Variants in KALRN observed in about 807,000 individuals in gnomAD.
The protein encoded by KALRN is kalirin RhoGEF kinase, also known as kalirin.
KALRN carries 70 observed loss-of-function variants against 353.7 expected under a neutral mutation model. The ratio of observed to expected loss-of-function variants is 0.20; its 90% CI spans 0.16 to 0.24. The LOEUF is 0.24. Ranked by LOEUF, KALRN falls within the 10% of genes least tolerant of loss-of-function variation. The pLI is 1.00. For synonymous variants in KALRN, 1,391 were observed against 1,434.8 expected, an observed-to-expected ratio of 0.97 and a Z score of 0.69; for missense variants, 2,791 against 3,756.7, an observed-to-expected ratio of 0.74 and a Z score of 6.72.
chr3:124,665,152 G>T (rs1398305219), intron 45 of KALRN, among the ~76,000 whole-genome samples: 3 of 152,212 alleles, frequency 2.0e-5, no homozygotes, highest in Non-Finnish European at 1.5e-5. Context: ...GAAGGGAATG[G>T]CCACATTTGT....
At chr3:124,323,847 A>G (rs1182438712) in intron 6 of KALRN, among the ~76,000 whole-genome samples, 1 of 152,236 alleles carries the variant, frequency 6.6e-6, no homozygotes, top group Non-Finnish European at 1.5e-5. Flanking sequence ...GACACTGTCA[A>G]TGTCCCACCT....
Position 124,676,911 on chromosome 3 carries a change from A to G in KALRN, c.7194-1279A>G, listed in dbSNP as rs1173827695. 2.0e-5 allele frequency among the ~76,000 whole-genome samples: 3 copies of G among 152,320 alleles called. No homozygotes were observed. The South Asian group carries it at 6.2e-4, about 32-fold the overall frequency. On this transcript the variant is annotated intron_variant, in intron 49 of 59. Coordinates refer to ENST00000682506, the MANE Select transcript of KALRN (RefSeq NM_001388419.1). ...GAGAGCCTGACTAGTTAGGAGATACAAGAGTTTTTGAAGGAGCCCACTTTC... is the reference window on the plus strand; with the variant it reads ...GAGAGCCTGACTAGTTAGGAGATACGAGAGTTTTTGAAGGAGCCCACTTTC...
chr3:124,139,701 C>T (rs920600869), intron 1 of KALRN, among the ~76,000 whole-genome samples: 5 of 152,146 alleles, frequency 3.3e-5, no homozygotes, highest in African/African-American at 9.7e-5. Flanking sequence ...GAGGGCACTA[C>T]ACTCAAGGAT....
intron 44 of KALRN, 75 bp from the exon 45 acceptor site, chr3:124,661,776 C>A: frequency 8.7e-7 from 1 of 1,144,568 alleles, no homozygotes; most frequent in Non-Finnish European, 1.3e-6. Flanking sequence ...TCCCTGTTTT[C>A]CAGCACTGAA....
chr3:124,334,456 G>A lies in KALRN; in HGVS notation c.1608G>A (p.Gln536=), dbSNP rs202215942. 9.9e-6 allele frequency: 16 copies of A among 1,613,994 alleles called. No individual in the cohort carries two copies. The African/African-American group carries it at 1.5e-4, about 15-fold the overall frequency. The change falls in exon 9 of 60, where the codon CAG becomes CAA. Residue 536 remains glutamine (Q), a synonymous_variant. Coordinates refer to ENST00000682506, the MANE Select transcript of KALRN (RefSeq NM_001388419.1). The surrounding 1 kb of genome is among the most constrained non-coding windows in gnomAD (Gnocchi z 4.2). ...AGCACCGCAAGGTGCGGCTCCACCA[G>A]CGGCTGCAGCTCTGCGTCTTCCAGC... ...IWQHRKVRLH[Q]RLQLCVFQQD...
intron 27 of KALRN, among the ~76,000 whole-genome samples, chr3:124,478,542 T>G (rs1387973231): frequency 1.3e-5 from 2 of 152,102 alleles, no homozygotes; most frequent in Non-Finnish European, 2.9e-5. Context: ...AATGGAGCAT[T>G]AATATGGAAA....
intron 2 of KALRN, among the ~76,000 whole-genome samples, chr3:124,231,382 T>G (rs1311933434): frequency 1.3e-5 from 2 of 152,240 alleles, no homozygotes; most frequent in Admixed American, 1.3e-4. Flanking sequence ...TGTCTTTATG[T>G]GCATACACGC....
In KALRN at chr3:124,654,224, C is replaced by T. The variant is rs374121730; in HGVS notation, c.5796-1377C>T. Among the ~76,000 whole-genome samples the T allele has an allele frequency of 1.4e-4, 22 of 152,316 alleles. No individual in the cohort carries two copies. In the South Asian group the frequency reaches 4.1e-3, roughly 29 times the overall value. ...TTCATTTGGCCTTGCCAGTTCCTTC[C>T]TGTGGCCTAAAACACATGATTGTCT... On this transcript the variant is annotated intron_variant, in intron 38 of 59. Coordinates refer to ENST00000682506, the MANE Select transcript of KALRN (RefSeq NM_001388419.1).
intron 5 of KALRN, among the ~76,000 whole-genome samples, chr3:124,273,785 T>C (rs934043121): frequency 1.3e-5 from 2 of 152,152 alleles, no homozygotes; most frequent in Non-Finnish European, 2.9e-5. Flanking sequence ...AAACAATGCA[T>C]GATGTTAGAT....
intron 5 of KALRN, among the ~76,000 whole-genome samples, chr3:124,290,529 C>G (rs1389630461): frequency 1.3e-5 from 2 of 152,178 alleles, no homozygotes; most frequent in African/African-American, 4.8e-5. Flanking sequence ...CAGAAGGAAG[C>G]TCCGGGCTCA....
At chr3:124,100,267 A>G (rs1284818890) in intron 1 of KALRN, 1 of 152,188 alleles carries the variant, frequency 6.6e-6, no homozygotes, top group African/African-American at 2.4e-5. Context: ...TTCCTTGTAT[A>G]TTCTGGATAT....
intron 10 of KALRN, among the ~76,000 whole-genome samples, chr3:124,356,395 G>A (rs1025023675): frequency 1.7e-4 from 25 of 145,892 alleles, no homozygotes; most frequent in East Asian, 4.0e-4. Context: ...GTGCAATGGC[G>A]CGATTTCGGC....
At chr3:124,505,996 G>A (rs1269249104) in intron 33 of KALRN, among the ~76,000 whole-genome samples, 1 of 152,226 alleles carries the variant, frequency 6.6e-6, no homozygotes, top group Non-Finnish European at 1.5e-5. Flanking sequence ...CAAAGTGGCA[G>A]TTGGATGATG....
chr3:124,229,319 C>T (rs888915399), intron 2 of KALRN, among the ~76,000 whole-genome samples: 3 of 152,256 alleles, frequency 2.0e-5, no homozygotes. Context: ...ATGCCAGAAT[C>T]ACTCTGGGTG....
At chr3:124,501,934 T>C (rs588256) in intron 33 of KALRN, among the ~76,000 whole-genome samples, 143,266 of 152,292 alleles carry the variant, frequency 0.94, 68,019 homozygotes, top group East Asian at 1. Context: ...TAGTCTTCTG[T>C]AAATTGCGTC....
At chr3:124,619,661 A>G (rs1012778707) in intron 34 of KALRN, among the ~76,000 whole-genome samples, 12 of 151,370 alleles carry the variant, frequency 7.9e-5, no homozygotes, top group African/African-American at 2.9e-4. Context: ...TAATTTTTGT[A>G]TTCTTTGTAG....
chr3:124,116,012 A>G (rs1438921238), intron 1 of KALRN, among the ~76,000 whole-genome samples: 1 of 152,200 alleles, frequency 6.6e-6, no homozygotes, highest in Non-Finnish European at 1.5e-5. Context: ...CTGTACTCAA[A>G]TGAAGGGTAT....
chr3:124,660,501 G>A (rs2084707805), intron 43 of KALRN, among the ~76,000 whole-genome samples: 1 of 152,088 alleles, frequency 6.6e-6, no homozygotes, highest in Middle Eastern at 3.4e-3. Flanking sequence ...GGCCAACATG[G>A]TGAAACACAT....
intron 15 of KALRN, among the ~76,000 whole-genome samples, chr3:124,427,399 T>G (rs2093069713): frequency 6.6e-6 from 1 of 152,226 alleles, no homozygotes; most frequent in African/African-American, 2.4e-5. Context: ...TGCCTTGTGA[T>G]AAATCATCTA....
Sources: allele counts gnomAD v4.1 joint callset (sites outside exome capture counted in the v4.1 genomes callset), GRCh38; gene constraint gnomAD v4.1.1; non-coding constraint Gnocchi (gnomAD v3.1); transcripts MANE v1.5; gene names NCBI Gene and HGNC (gene_info 2026-07-23, HGNC 2026-07-21).